KCNH1: variants seen among roughly 807,000 people sequenced by gnomAD.
KCNH1 encodes voltage-gated delayed rectifier potassium channel KCNH1.
KCNH1 carries 27 observed loss-of-function variants against 69.2 expected under a neutral mutation model. That is an observed-to-expected ratio of 0.39 (90% CI 0.29 to 0.54). KCNH1 has a LOEUF of 0.54. Ranked by LOEUF, KCNH1 falls within the 20% of genes least tolerant of loss-of-function variation. The probability of loss-of-function intolerance (pLI) is 0.68; values close to 1 mark genes in which losing one functional copy is unlikely to be tolerated. For synonymous variants in KCNH1, 456 were observed against 487.7 expected, an observed-to-expected ratio of 0.93 and a Z score of 0.86; for missense variants, 798 against 1,261.6, an observed-to-expected ratio of 0.63 and a Z score of 5.57.
intron 10 of KCNH1, among the ~76,000 whole-genome samples, chr1:210,731,081 T>C (rs1444706465): frequency 2.0e-5 from 3 of 152,238 alleles, no homozygotes; most frequent in African/African-American, 7.2e-5. Context: ...AGAAAAGGTT[T>C]GAGAGTTATC....
intron 6 of KCNH1, among the ~76,000 whole-genome samples, chr1:210,992,194 C>T (rs1157529200): frequency 6.6e-6 from 1 of 152,044 alleles, no homozygotes; most frequent in Admixed American, 6.6e-5. Context: ...ATGAGAACAC[C>T]GCAATTCAGA....
chr1:210,734,141 T>G (rs1682812656), intron 10 of KCNH1, among the ~76,000 whole-genome samples: 1 of 152,206 alleles, frequency 6.6e-6, no homozygotes. Flanking sequence ...ATATCTATCA[T>G]TATTTACGCT....
chr1:210,909,014 C>T (rs909989508), intron 7 of KCNH1, among the ~76,000 whole-genome samples: 12 of 152,202 alleles, frequency 7.9e-5, no homozygotes, highest in Non-Finnish European at 1.2e-4. Context: ...TTTATCACCA[C>T]GTAGCTATGA....
At chr1:211,107,025 G>A (rs1691358957) in intron 2 of KCNH1, among the ~76,000 whole-genome samples, 1 of 151,992 alleles carries the variant, frequency 6.6e-6, no homozygotes, top group Non-Finnish European at 1.5e-5. Context: ...GTTCTTCTGG[G>A]TTTTCTCCCA....
At chr1:210,944,229 A>T (rs1206824897) in intron 6 of KCNH1, among the ~76,000 whole-genome samples, 1 of 152,254 alleles carries the variant, frequency 6.6e-6, no homozygotes, top group African/African-American at 2.4e-5. Context: ...AAATCAAACC[A>T]TCTAAAAATG....
Position 210,678,776 on chromosome 1 carries a change from T to A in KCNH1, c.*4505A>T, listed in dbSNP as rs1681196723. On this transcript the variant is annotated 3_prime_UTR_variant, in exon 11 of 11. Transcript: ENST00000271751. ...TTAGGGGAGGGTGCATCCTTCAACA[T>A]AAGATCAGTTTATATCCTGATACAA... is the stretch of plus-strand genomic sequence containing the variant. 1.3e-5 allele frequency: 2 copies of A among 152,176 alleles called. No homozygotes were observed. Among genetic ancestry groups the A allele is most frequent in the South Asian group, 4.1e-4 (2 of 4,826 alleles). 9.4% of individuals were successfully genotyped at this position (152,176 alleles called of 1,614,324 possible). A position where few individuals can be genotyped will look rare whatever the true frequency, so the allele number is the denominator to read the frequency against.
intron 9 of KCNH1, among the ~76,000 whole-genome samples, chr1:210,783,720 C>A (rs1026416302): frequency 2.6e-5 from 4 of 152,158 alleles, no homozygotes; most frequent in Non-Finnish European, 5.9e-5. Flanking sequence ...GTGCCTAAGA[C>A]CACAAGGTTG....
At chr1:211,078,494 T>C (rs1046005875) in intron 5 of KCNH1, among the ~76,000 whole-genome samples, 9 of 152,294 alleles carry the variant, frequency 5.9e-5, no homozygotes, top group Admixed American at 5.9e-4. Context: ...ACATGGAAAC[T>C]GAACAACCTG....
At chr1:210,925,012 C>T (rs1558527991) in intron 6 of KCNH1, among the ~76,000 whole-genome samples, 2 of 152,168 alleles carry the variant, frequency 1.3e-5, no homozygotes, top group Admixed American at 6.5e-5. Flanking sequence ...AGAGTCTTTC[C>T]CTACAAAAGC....
At chr1:211,088,261 G>C (rs1327273291) in intron 4 of KCNH1, among the ~76,000 whole-genome samples, 1 of 152,116 alleles carries the variant, frequency 6.6e-6, no homozygotes, top group East Asian at 1.9e-4. Context: ...GCCTAAGTCA[G>C]CAAGACTCTT....
At chr1:210,955,043 T>C (rs550374231) in intron 6 of KCNH1, among the ~76,000 whole-genome samples, 16 of 152,354 alleles carry the variant, frequency 1.1e-4, no homozygotes, top group African/African-American at 3.1e-4. Context: ...AGGTCTCACA[T>C]TTAAGACTTT....
chr1:210,745,505 A>G (rs767602559), intron 10 of KCNH1, among the ~76,000 whole-genome samples: 15 of 152,214 alleles, frequency 9.9e-5, no homozygotes, highest in Non-Finnish European at 2.2e-4. Context: ...GCCAATTAAG[A>G]AACGATGGTC....
At chr1:210,948,707 C>G (rs1688007700) in intron 6 of KCNH1, among the ~76,000 whole-genome samples, 1 of 151,904 alleles carries the variant, frequency 6.6e-6, no homozygotes, top group Non-Finnish European at 1.5e-5. Context: ...GTGGTGGGCA[C>G]CTGTAGTCCC....
At chr1:210,889,634 A>G (rs878974034) in intron 7 of KCNH1, among the ~76,000 whole-genome samples, 4 of 152,246 alleles carry the variant, frequency 2.6e-5, no homozygotes, top group Non-Finnish European at 5.9e-5. Context: ...TGCAGATGAC[A>G]TGATTGTATA....
chr1:210,921,348 T>C (rs978792160), intron 6 of KCNH1, among the ~76,000 whole-genome samples: 1 of 152,206 alleles, frequency 6.6e-6, no homozygotes, highest in Non-Finnish European at 1.5e-5. Context: ...CTCCCTTATA[T>C]AGCAAAAATC....
chr1:211,033,724 T>C (rs1344383023), intron 5 of KCNH1, among the ~76,000 whole-genome samples: 1 of 143,104 alleles, frequency 7.0e-6, no homozygotes, highest in African/African-American at 2.6e-5. Context: ...TGAGAACACA[T>C]GGACACAGGA....
intron 1 of KCNH1, among the ~76,000 whole-genome samples, chr1:211,107,671 A>G (rs1460635086): frequency 6.6e-6 from 1 of 152,230 alleles, no homozygotes; most frequent in Non-Finnish European, 1.5e-5. Flanking sequence ...GATTCCCATG[A>G]GACATATTTA....
At chr1:210,751,279 T>A (rs574107868) in intron 10 of KCNH1, among the ~76,000 whole-genome samples, 1 of 152,076 alleles carries the variant, frequency 6.6e-6, no homozygotes, top group African/African-American at 2.4e-5. Flanking sequence ...AGAAATCACA[T>A]TGATGAGGCT....
intron 7 of KCNH1, chr1:210,860,307 C>T (rs540400178): frequency 2.1e-5 from 28 of 1,344,474 alleles, no homozygotes; most frequent in East Asian, 9.2e-5. Flanking sequence ...TCAGGCTATG[C>T]GCTAAAGAGA....
Sources: gnomAD v4.1 joint callset for allele counts (sites outside exome capture counted in the v4.1 genomes callset) on GRCh38, gnomAD v4.1.1 for gene constraint, MANE v1.5 for transcripts, NCBI Gene and HGNC (gene_info 2026-07-23, HGNC 2026-07-21) for gene names.